CELF2: variants seen among roughly 807,000 people sequenced by gnomAD.
CELF2 encodes CUG triplet repeat RNA-binding protein 2.
CELF2 carries 8 observed loss-of-function variants against 62.6 expected under a neutral mutation model. The ratio of observed to expected loss-of-function variants is 0.13; its 90% CI spans 0.07 to 0.23. The LOEUF (loss-of-function observed/expected upper bound fraction) is 0.23, where lower values mean the gene tolerates loss of function less well. Among genes scored for constraint, CELF2 ranks in the 10% least tolerant of loss-of-function variants. The pLI, the probability that CELF2 is intolerant of heterozygous loss-of-function variation, is 1.00. For synonymous variants in CELF2, 258 were observed against 250.0 expected (o/e 1.03, Z -0.30); for missense variants, 333 against 671.0 (o/e 0.50, Z 5.56).
chr10:10,491,382 A>G, the CELF2 span, among the ~76,000 whole-genome samples: 3 of 152,218 alleles, frequency 2.0e-5, no homozygotes, highest in Admixed American at 2.0e-4. Flanking sequence ...CAGTATGTGC[A>G]CTAGAAATAG....
chr10:10,938,442 G>C lies in CELF2; in HGVS notation c.89+18443G>C, dbSNP rs768870120. ...TCAGAGAATATGCCTGGGTTTTTGT[G>C]TCCTTCAAATTTCGTTTGAATGAAC... On this transcript the variant is annotated intron_variant, in intron 2 of 13. Transcript: ENST00000636488. The surrounding 1 kb of genome is among the most constrained non-coding windows in gnomAD (Gnocchi z 4.2). 6.6e-6 allele frequency among the ~76,000 whole-genome samples: 1 copy of C among 152,182 alleles called. No homozygotes were observed. The highest frequency in any genetic ancestry group is 2.4e-5 in the African/African-American group (1 of 41,452).
At chr10:10,954,213 TA>T (rs1312991330) in intron 2 of CELF2, among the ~76,000 whole-genome samples, 1,384 of 5,866 alleles carry the variant, frequency 0.24, 11 homozygotes, top group Middle Eastern at 0.38. Context: ...GCAATTTATT[TA>T]TTATTATTAT....
chr10:10,714,265 G>A, the CELF2 span, among the ~76,000 whole-genome samples: 71 of 152,120 alleles, frequency 4.7e-4, no homozygotes, highest in South Asian at 3.9e-3. Flanking sequence ...CTGTTATTTC[G>A]TCTGTAATTG....
intron 1 of CELF2, among the ~76,000 whole-genome samples, chr10:10,852,290 A>G (rs2059430057): frequency 6.6e-6 from 1 of 152,268 alleles, no homozygotes; most frequent in Admixed American, 6.5e-5. Context: ...GGTTTATGCA[A>G]CAACTTGGAT....
chr10:10,638,164 A>C, the CELF2 span, among the ~76,000 whole-genome samples: 3 of 152,170 alleles, frequency 2.0e-5, no homozygotes, highest in African/African-American at 7.2e-5. Flanking sequence ...TTGTGCATAC[A>C]CTTTAATGCC....
intron 2 of CELF2, among the ~76,000 whole-genome samples, chr10:10,961,160 A>T (rs886886657): frequency 1.2e-4 from 19 of 152,208 alleles, no homozygotes; most frequent in Admixed American, 3.3e-4. Context: ...TCCTAAAAAA[A>T]AGAGAAGAGG....
intron 1 of CELF2, among the ~76,000 whole-genome samples, chr10:10,913,321 C>A (rs1369502182): frequency 1.4e-5 from 2 of 147,226 alleles, no homozygotes; most frequent in Non-Finnish European, 1.5e-5. Context: ...CTAAGGTTCA[C>A]CACACAAGAA....
chr10:11,040,243 T>C (rs1218653461), intron 1 of CELF2, among the ~76,000 whole-genome samples: 5 of 152,288 alleles, frequency 3.3e-5, no homozygotes, highest in Admixed American at 2.6e-4. Context: ...TCCAACAATA[T>C]GGAGATAATT....
chr10:11,144,073 G>A (rs35830448), intron 1 of CELF2, among the ~76,000 whole-genome samples: 27 of 151,988 alleles, frequency 1.8e-4, no homozygotes, highest in Non-Finnish European at 3.7e-4. Context: ...TCACTCTCTA[G>A]GCCTCTGGTT....
chr10:11,200,692 T>A (rs2135201275), intron 2 of CELF2, among the ~76,000 whole-genome samples: 1 of 152,342 alleles, frequency 6.6e-6, no homozygotes, highest in African/African-American at 2.4e-5. Context: ...GGCCTGCCTG[T>A]CATTTGATGC....
At chr10:11,179,910 A>G (rs1383456577) in intron 2 of CELF2, among the ~76,000 whole-genome samples, 4 of 152,204 alleles carry the variant, frequency 2.6e-5, no homozygotes, top group African/African-American at 9.7e-5. Flanking sequence ...GTCAGGTAAC[A>G]GTCACACTCA....
chr10:10,925,379 A>G (rs957915678), intron 2 of CELF2, among the ~76,000 whole-genome samples: 1 of 151,742 alleles, frequency 6.6e-6, no homozygotes, highest in Non-Finnish European at 1.5e-5. Context: ...CGTTAATTCA[A>G]CCAGGGTACA....
At chr10:10,659,315 G>T in the CELF2 span, among the ~76,000 whole-genome samples, 1 of 152,098 alleles carries the variant, frequency 6.6e-6, no homozygotes, top group Non-Finnish European at 1.5e-5. Flanking sequence ...TGAATTGTTT[G>T]CTCTTTAATA....
intron 9 of CELF2, among the ~76,000 whole-genome samples, chr10:11,301,343 C>T (rs1435853778): frequency 2.7e-5 from 4 of 150,394 alleles, no homozygotes; most frequent in Admixed American, 6.6e-5. Context: ...AGCCCCTATG[C>T]GGGCCCTGCT....
At chr10:11,228,443 T>C (rs2067356385) in intron 3 of CELF2, among the ~76,000 whole-genome samples, 1 of 152,234 alleles carries the variant, frequency 6.6e-6, no homozygotes, top group Non-Finnish European at 1.5e-5. Flanking sequence ...TTAGAGAACA[T>C]TTCTTTAATG....
the CELF2 span, among the ~76,000 whole-genome samples, chr10:10,792,049 G>A: frequency 1.2e-3 from 153 of 126,096 alleles, 2 homozygotes; most frequent in African/African-American, 4.2e-3. Context: ...GAGAGAGGGA[G>A]GAAGGAAGGA....
At chr10:10,530,640 T>C in the CELF2 span, among the ~76,000 whole-genome samples, 1 of 152,200 alleles carries the variant, frequency 6.6e-6, no homozygotes, top group African/African-American at 2.4e-5. Context: ...GAAAGCCCTC[T>C]TTGCTCTTTC....
the CELF2 span, among the ~76,000 whole-genome samples, chr10:10,598,321 G>A: frequency 6.6e-6 from 1 of 152,198 alleles, no homozygotes; most frequent in African/African-American, 2.4e-5. Flanking sequence ...ATAGACGTCT[G>A]TCAGTCATCC....
chr10:10,761,728 G>A, the CELF2 span, among the ~76,000 whole-genome samples: 3 of 152,260 alleles, frequency 2.0e-5, no homozygotes, highest in South Asian at 2.1e-4. Context: ...CGTTAGCTCT[G>A]GGTCTTGAGC....
Sources: gnomAD v4.1 joint callset for allele counts (sites outside exome capture counted in the v4.1 genomes callset) on GRCh38, gnomAD v4.1.1 for gene constraint, Gnocchi (gnomAD v3.1) non-coding constraint, MANE v1.5 for transcripts, NCBI Gene and HGNC (gene_info 2026-07-23, HGNC 2026-07-21) for gene names.